STRN3: variants seen among roughly 807,000 people sequenced by gnomAD.
The protein encoded by STRN3 is striatin-3.
In STRN3, 29 loss-of-function variants were observed where a neutral mutation model predicts 95.6. That is an observed-to-expected ratio of 0.30 (90% CI 0.23 to 0.41). STRN3 has a LOEUF of 0.41. Among genes scored for constraint, STRN3 ranks in the 10% least tolerant of loss-of-function variants. The probability of loss-of-function intolerance (pLI) is 1.00; values close to 1 mark genes in which losing one functional copy is unlikely to be tolerated. For synonymous variants in STRN3, 331 were observed against 357.6 expected, an observed-to-expected ratio of 0.93 and a Z score of 0.84; for missense variants, 890 against 972.1, an observed-to-expected ratio of 0.92 and a Z score of 1.12.
chr14:30,896,191 T>G (rs938053412), intron 16 of STRN3, among the ~76,000 whole-genome samples: 2 of 152,236 alleles, frequency 1.3e-5, no homozygotes, highest in Non-Finnish European at 2.9e-5. Context: ...GGTAATGTTT[T>G]CAAGAGAATT....
Position 30,960,019 on chromosome 14 carries a change from A to C in STRN3, c.283-3777T>G, listed in dbSNP as rs560436659. Among the ~76,000 whole-genome samples, 238 of 151,832 alleles carry C rather than the reference A, an allele frequency of 1.6e-3. 1 individual carries two copies. The highest frequency in any genetic ancestry group is 5.1e-3 in the African/African-American group (210 of 41,436). On this transcript the variant is annotated intron_variant, in intron 1 of 17. Coordinates refer to ENST00000357479, the MANE Select transcript of STRN3 (RefSeq NM_001083893.2). ...TGACAAGCTGATACTAAAATTTACCAAAAAAAAATTCAAATTACCTAGAAC... is the reference window on the plus strand; with the variant it reads ...TGACAAGCTGATACTAAAATTTACCCAAAAAAAATTCAAATTACCTAGAAC...
At chr14:31,018,005 G>A (rs572781177) in intron 1 of STRN3, among the ~76,000 whole-genome samples, 2 of 151,430 alleles carry the variant, frequency 1.3e-5, no homozygotes, top group Non-Finnish European at 2.9e-5. Flanking sequence ...TTGAACCTGG[G>A]AGGCGGAGGT....
At chr14:31,018,384 T>A (rs1307793496) in intron 1 of STRN3, 2 of 351,658 alleles carry the variant, frequency 5.7e-6, no homozygotes, top group Non-Finnish European at 1.1e-5. Flanking sequence ...AAGAAATGTG[T>A]GTTGAATGAA....
At chr14:30,907,185 G>C in intron 13 of STRN3, 141 bp from the exon 14 acceptor site, 1 of 871,162 alleles carries the variant, frequency 1.1e-6, no homozygotes. Flanking sequence ...TGTACATAGT[G>C]GCTATATCTA....
At chr14:30,911,638 C>T (rs1232815371) in intron 12 of STRN3, 139 bp downstream of exon 12, 39 of 770,972 alleles carry the variant, frequency 5.1e-5, no homozygotes, top group Non-Finnish European at 6.7e-5. Context: ...CTCACCAATA[C>T]AATTATTAAA....
At position 31,023,832 on chromosome 14, in the gene STRN3, C is replaced by CAAA. The variant is rs4011677; in HGVS notation, c.282+2069_282+2071dup. ...AATAAAACATTTTAAATATATAACT[C>CAAA]AAAAAAAAAAAAACCAACGCCATCA... is the stretch of plus-strand genomic sequence containing the variant. On this transcript the variant is annotated intron_variant, in intron 1 of 17. Coordinates refer to ENST00000357479, the MANE Select transcript of STRN3 (RefSeq NM_001083893.2). 6.5e-3 allele frequency among the ~76,000 whole-genome samples: 936 copies of CAAA among 143,394 alleles called. 7 individuals are homozygous for CAAA. The highest frequency in any genetic ancestry group is 0.04 in the Middle Eastern group (11 of 278). 94.1% of individuals were successfully genotyped at this position (143,394 alleles called of 152,430 possible). A position where few individuals can be genotyped will look rare whatever the true frequency, so the allele number is the denominator to read the frequency against.
chr14:30,944,992 ATTAT>A (rs1445640016), intron 5 of STRN3, among the ~76,000 whole-genome samples: 2 of 152,164 alleles, frequency 1.3e-5, no homozygotes, highest in Non-Finnish European at 2.9e-5. Context: ...AACTATATAC[ATTAT>A]TTATTTATTA....
intron 3 of STRN3, among the ~76,000 whole-genome samples, chr14:30,954,842 C>T (rs1398133797): frequency 6.6e-6 from 1 of 151,680 alleles, no homozygotes. Flanking sequence ...TACACACAGA[C>T]CAAGCCCTAC....
rs1896859813 is a variant in STRN3 at position 30,920,802 on chromosome 14, T to C, written c.1100-1696A>G. On this transcript the variant is annotated intron_variant, in intron 8 of 17. Coordinates refer to ENST00000357479, the MANE Select transcript of STRN3 (RefSeq NM_001083893.2). Reference sequence around the variant, plus strand: ...TCACATTTATTATATCTCCCTTCACTCAGAAACCACAAGTAGCAGCACTTC... The same window carrying C: ...TCACATTTATTATATCTCCCTTCACCCAGAAACCACAAGTAGCAGCACTTC... 3.3e-5 allele frequency among the ~76,000 whole-genome samples: 5 copies of C among 152,048 alleles called. No homozygotes were observed. The South Asian group carries it at 1.0e-3, about 32-fold the overall frequency.
rs184615486 is a variant in STRN3, at chr14:31,010,198, T to C, written c.282+15706A>G. Among the ~76,000 whole-genome samples the C allele has an allele frequency of 9.8e-4, 149 of 152,286 alleles. No homozygotes were observed. In the Middle Eastern group the frequency reaches 0.014, roughly 14 times the overall value. On this transcript the variant is annotated intron_variant, in intron 1 of 17. Coordinates refer to ENST00000357479, the MANE Select transcript of STRN3 (RefSeq NM_001083893.2). ...AACTAGTCTATAAATTCATTAAAACTAACATATTTGCTTTGTTTTATAACT... is the reference window on the plus strand; with the variant it reads ...AACTAGTCTATAAATTCATTAAAACCAACATATTTGCTTTGTTTTATAACT...
intron 1 of STRN3, chr14:31,018,346 A>G: frequency 3.3e-6 from 1 of 299,716 alleles, no homozygotes; most frequent in South Asian, 3.0e-5. Context: ...CCCAGCATCT[A>G]GCAGTGTTGG....
chr14:30,992,194 G>A (rs1881989452), intron 1 of STRN3, among the ~76,000 whole-genome samples: 1 of 151,932 alleles, frequency 6.6e-6, no homozygotes, highest in African/African-American at 2.4e-5. Context: ...CGGATCACCT[G>A]AGGCTCAGGA....
At chr14:31,004,101 T>C (rs1003607796) in intron 1 of STRN3, among the ~76,000 whole-genome samples, 1 of 151,922 alleles carries the variant, frequency 6.6e-6, no homozygotes, top group Admixed American at 6.6e-5. Flanking sequence ...TTAGGCAGCA[T>C]GGTGAAACCC....
chr14:30,948,971 A>G (rs955546339), intron 4 of STRN3, among the ~76,000 whole-genome samples: 4 of 152,232 alleles, frequency 2.6e-5, no homozygotes, highest in Non-Finnish European at 5.9e-5. Context: ...TGACTGACTC[A>G]TGGGCAATTA....
intron 1 of STRN3, among the ~76,000 whole-genome samples, chr14:30,963,313 A>G (rs1300412256): frequency 6.6e-6 from 1 of 152,248 alleles, no homozygotes; most frequent in Non-Finnish European, 1.5e-5. Flanking sequence ...ACACATATGC[A>G]GAACACTTTA....
At chr14:30,938,284 G>A (rs1433546594) in intron 5 of STRN3, among the ~76,000 whole-genome samples, 1 of 151,844 alleles carries the variant, frequency 6.6e-6, no homozygotes, top group African/African-American at 2.4e-5. Flanking sequence ...TTCTTCAAAT[G>A]CAAATTAGTA....
chr14:30,921,257 A>G (rs1896877924), intron 8 of STRN3, among the ~76,000 whole-genome samples: 1 of 152,162 alleles, frequency 6.6e-6, no homozygotes, highest in African/African-American at 2.4e-5. Flanking sequence ...ACTACCTTGT[A>G]AATAATTTAA....
intron 3 of STRN3, among the ~76,000 whole-genome samples, chr14:30,951,468 G>A (rs989148472): frequency 2.6e-5 from 4 of 152,100 alleles, no homozygotes; most frequent in African/African-American, 4.8e-5. Context: ...CTAGGCTCAA[G>A]CGATCCACCC....
chr14:31,018,740 A>G (rs530995035), intron 1 of STRN3: 38 of 470,500 alleles, frequency 8.1e-5, no homozygotes, highest in African/African-American at 7.2e-4. Context: ...GATGAGGGCC[A>G]TGGTGCTCCG....
Sources: gnomAD v4.1 joint callset for allele counts (sites outside exome capture counted in the v4.1 genomes callset) on GRCh38, gnomAD v4.1.1 for gene constraint, MANE v1.5 for transcripts, NCBI Gene and HGNC (gene_info 2026-07-23, HGNC 2026-07-21) for gene names.